The following COL18A1 variants were observed in gnomAD, a reference collection of about 807,000 sequenced individuals.
COL18A1 encodes collagen type XVIII alpha 1 chain, also known as collagen alpha-1(XVIII) chain.
A neutral mutation model predicts 168.0 loss-of-function variants in COL18A1; 133 were observed. The observed-to-expected ratio is 0.79, with a 90% CI of 0.69 to 0.91. The LOEUF (loss-of-function observed/expected upper bound fraction) is 0.91, where lower values mean the gene tolerates loss of function less well. Among genes scored for constraint, COL18A1 ranks in the 40% least tolerant of loss-of-function variants. COL18A1 has a pLI of 0.00. For missense variants in COL18A1, 2,126 were observed against 1,925.4 expected, an observed-to-expected ratio of 1.10 and a Z score of -1.95; for synonymous variants, 949 against 809.0, an observed-to-expected ratio of 1.17 and a Z score of -2.94.
chr21:45,452,481 G>T (rs531911663), intron 2 of COL18A1, among the ~76,000 whole-genome samples: 1 of 144,022 alleles, frequency 6.9e-6, no homozygotes, highest in African/African-American at 2.5e-5. Flanking sequence ...GTACGTGTGT[G>T]TTTCTGTATG....
chr21:45,459,887 A>G (rs1177505159), intron 2 of COL18A1, among the ~76,000 whole-genome samples: 1 of 152,034 alleles, frequency 6.6e-6, no homozygotes, highest in African/African-American at 2.4e-5. Context: ...GGGCTGTGGG[A>G]GTGTCACCCC....
chr21:45,433,058 C>A (rs575595667), intron 2 of COL18A1, among the ~76,000 whole-genome samples: 1 of 152,348 alleles, frequency 6.6e-6, no homozygotes, highest in East Asian at 1.9e-4. Context: ...AGATGTTAAT[C>A]CTCTTCGAAA....
Position 45,473,868 on chromosome 21 carries a change from G to A in COL18A1, c.652-27G>A. 6.4e-7 allele frequency: 1 copy of A among 1,568,494 alleles called. No homozygotes were observed. The highest frequency in any genetic ancestry group is 8.7e-7 in the Non-Finnish European group (1 of 1,155,082). ...TGCCACTGCCACCTCAGGACCGCTGGTGACCCCTTTCTCTGTCTGCATTTA... is the reference window on the plus strand; with the variant it reads ...TGCCACTGCCACCTCAGGACCGCTGATGACCCCTTTCTCTGTCTGCATTTA... On this transcript the variant is annotated intron_variant, in intron 3 of 41. Coordinates refer to ENST00000651438, the MANE Select transcript of COL18A1 (RefSeq NM_001379500.1). This position sits in a 1 kb window ranked among gnomAD's most constrained non-coding sequence, Gnocchi z 4.0.
rs779849637 is a variant in COL18A1, at chr21:45,463,980, A to G, written c.107-4262A>G. Among the ~76,000 whole-genome samples the G allele has an allele frequency of 1.3e-5, 2 of 152,194 alleles. No individual in the cohort carries two copies. Among genetic ancestry groups the G allele is most frequent in the East Asian group, 1.9e-4 (1 of 5,192 alleles). On this transcript the variant is annotated intron_variant, in intron 2 of 41. Coordinates refer to ENST00000651438, the MANE Select transcript of COL18A1 (RefSeq NM_001379500.1). This position sits in a 1 kb window ranked among gnomAD's most constrained non-coding sequence, Gnocchi z 4.0. Reference sequence around the variant, plus strand: ...TGTGCAGGTGTCTAGCCTGGATGCCACCCAGCTATGCCAAATGCGGGGAGA... The same window carrying G: ...TGTGCAGGTGTCTAGCCTGGATGCCGCCCAGCTATGCCAAATGCGGGGAGA...
At chr21:45,462,673 G>A (rs112321707) in intron 2 of COL18A1, among the ~76,000 whole-genome samples, 2 of 152,224 alleles carry the variant, frequency 1.3e-5, no homozygotes, top group East Asian at 1.9e-4. Context: ...ACACCTTCCT[G>A]TAGTTCTTTG....
chr21:45,418,329 A>G (rs917887343), intron 2 of COL18A1, among the ~76,000 whole-genome samples: 4 of 151,874 alleles, frequency 2.6e-5, no homozygotes, highest in African/African-American at 9.7e-5. Context: ...AGCATCGCTG[A>G]GGGTCCCCGA....
chr21:45,512,190 C>T lies in COL18A1; in HGVS notation c.3812C>T (p.Pro1271Leu), dbSNP rs2037651903. The change falls in exon 42 of 42, where the codon CCC (proline) becomes CTC (leucine). Residue 1271 changes from proline to leucine, a missense_variant and splice_region_variant. Transcript: ENST00000651438. ...TGACGGCCCGGCGCGTCTTACAGGC[C>T]CCAGAAGAGCGTGTGGCATGGCTCG... is the stretch of plus-strand genomic sequence containing the variant. ...GKDVLRHPTW[P>L]QKSVWHGSDP... is the part of the protein sequence containing the mutation. The T allele has an allele frequency of 1.2e-6, 2 of 1,611,968 alleles. No homozygotes were observed. The highest frequency in any genetic ancestry group is 8.5e-7 in the Non-Finnish European group (1 of 1,179,496).
At chr21:45,510,670 T>G (rs1008054191) in intron 40 of COL18A1, among the ~76,000 whole-genome samples, 4 of 152,224 alleles carry the variant, frequency 2.6e-5, no homozygotes, top group Non-Finnish European at 5.9e-5. Flanking sequence ...AGCACCCATG[T>G]GGCTTTATTC....
rs1295685753 is a variant in COL18A1, at chr21:45,471,470, TTCC to T, written c.652-2416_652-2414del. On this transcript the variant is annotated intron_variant, in intron 3 of 41. Transcript: ENST00000651438. This position sits in a 1 kb window ranked among gnomAD's most constrained non-coding sequence, Gnocchi z 4.4. ...TTGGGAGCAGGGAGGAAACCGAGGC[TTCC>T]TCCTCCTCAGCCTCTCCACAAGACT... Among the ~76,000 whole-genome samples, 1 of 152,180 alleles carries T rather than the reference TTCC, an allele frequency of 6.6e-6. No individual in the cohort carries two copies. The highest frequency in any genetic ancestry group is 1.5e-5 in the Non-Finnish European group (1 of 68,022).
intron 2 of COL18A1, among the ~76,000 whole-genome samples, chr21:45,458,861 A>G (rs1437340587): frequency 6.6e-6 from 1 of 152,212 alleles, no homozygotes; most frequent in Non-Finnish European, 1.5e-5. Flanking sequence ...AGCAAGCTTC[A>G]GCCTCAGGGA....
At position 45,509,392 on chromosome 21, in the gene COL18A1, C is replaced by T. The variant is rs2037437436; in HGVS notation, c.3286C>T (p.Gln1096Ter). ...GGCCGCCTTGCAGCCCCCCGTGGTG[C>T]AGCTGCACGACAGCAACCCCTACCC... ...EVAALQPPVV[Q>*]LHDSNPYPRR... The change falls in exon 39 of 42, where the codon CAG (glutamine) becomes TAG (stop). Residue 1096 changes from glutamine (Q) to a stop codon, truncating the protein, a stop_gained. Coordinates refer to ENST00000651438, the MANE Select transcript of COL18A1 (RefSeq NM_001379500.1). LOFTEE classifies it high-confidence loss of function. 1.3e-6 allele frequency: 2 copies of T among 1,541,890 alleles called. No individual in the cohort carries two copies. Among genetic ancestry groups the T allele is most frequent in the African/African-American group, 1.4e-5 (1 of 73,074 alleles).
intron 2 of COL18A1, among the ~76,000 whole-genome samples, chr21:45,439,217 G>C (rs1236894545): frequency 3.3e-5 from 5 of 152,244 alleles, no homozygotes; most frequent in Non-Finnish European, 5.9e-5. Flanking sequence ...TTCCGCAACA[G>C]AACACAGTGG....
At chr21:45,462,110 A>G (rs1329023268) in intron 2 of COL18A1, among the ~76,000 whole-genome samples, 2 of 152,116 alleles carry the variant, frequency 1.3e-5, no homozygotes, top group Non-Finnish European at 2.9e-5. Flanking sequence ...TTGGCTTCCA[A>G]AGTTTCTGTG....
intron 2 of COL18A1, chr21:45,456,281 C>T (rs1028978765): frequency 6.4e-6 from 10 of 1,571,198 alleles, no homozygotes; most frequent in Middle Eastern, 1.7e-4. Context: ...TCCCAGCCAG[C>T]AGCTCCAACG....
chr21:45,433,097 C>T (rs2034006840), intron 2 of COL18A1, among the ~76,000 whole-genome samples: 1 of 152,172 alleles, frequency 6.6e-6, no homozygotes, highest in African/African-American at 2.4e-5. Context: ...CCAAAGAAAA[C>T]AGCAACAATG....
At chr21:45,488,248 A>G (rs570710295) in intron 17 of COL18A1, among the ~76,000 whole-genome samples, 170 bp from the exon 18 acceptor site, 14 of 152,370 alleles carry the variant, frequency 9.2e-5, no homozygotes, top group Admixed American at 8.5e-4. Flanking sequence ...GGCAGAAACT[A>G]ATTGATTCCA....
intron 2 of COL18A1, among the ~76,000 whole-genome samples, chr21:45,465,817 G>C (rs993769561): frequency 6.6e-6 from 1 of 152,346 alleles, no homozygotes; most frequent in African/African-American, 2.4e-5. Context: ...GCGGGCGTCC[G>C]TGGAGTGCAC....
intron 15 of COL18A1, among the ~76,000 whole-genome samples, chr21:45,485,130 C>T (rs1373667750): frequency 2.1e-5 from 3 of 142,198 alleles, no homozygotes; most frequent in Middle Eastern, 4.1e-3. Context: ...CTACAGGCAT[C>T]TGCCACCACA....
intron 37 of COL18A1, chr21:45,506,980 C>T: frequency 7.2e-6 from 2 of 275,912 alleles, no homozygotes; most frequent in South Asian, 3.5e-5. Flanking sequence ...TTGTAGGCAC[C>T]CGGATGCAGC....
Sources: gnomAD v4.1 joint callset for allele counts (sites outside exome capture counted in the v4.1 genomes callset) on GRCh38, gnomAD v4.1.1 for gene constraint, Gnocchi (gnomAD v3.1) non-coding constraint, MANE v1.5 for transcripts, NCBI Gene and HGNC (gene_info 2026-07-23, HGNC 2026-07-21) for gene names.